Variants in IGSF3 observed in about 807,000 individuals in gnomAD.
IGSF3 encodes the protein glu-Trp-Ile EWI motif-containing protein 3.
Under a neutral mutation model 114.4 loss-of-function variants are expected in IGSF3, and 23 were observed. The observed-to-expected ratio is 0.20, with a 90% CI of 0.14 to 0.28. The LOEUF (loss-of-function observed/expected upper bound fraction) is 0.28. Among genes scored for constraint, IGSF3 ranks in the 10% least tolerant of loss-of-function variants. The pLI, the probability that IGSF3 is intolerant of heterozygous loss-of-function variation, is 1.00. For missense variants in IGSF3, 1,172 were observed against 1,591.5 expected, an observed-to-expected ratio of 0.74 and a Z score of 4.48; for synonymous variants, 571 against 645.2, an observed-to-expected ratio of 0.88 and a Z score of 1.74.
intron 1 of IGSF3, 88 bp downstream of exon 1, chr1:116,667,516 GCCCGCTCCCCACTC>G (rs1238451779): frequency 2.0e-5 from 3 of 149,890 alleles, no homozygotes; most frequent in African/African-American, 7.3e-5. Flanking sequence ...GCCGGCGCGG[GCCCGCTCCCCACTC>G]CCCGCTCCCC....
In IGSF3 at chr1:116,611,116, T is replaced by A. The variant is rs571278173; in HGVS notation, c.832+2649A>T. Among the ~76,000 whole-genome samples the A allele has an allele frequency of 2.0e-5, 3 of 152,264 alleles. No individual in the cohort carries two copies. The South Asian group carries it at 6.2e-4, about 32-fold the overall frequency. On this transcript the variant is annotated intron_variant, in intron 4 of 10. Coordinates refer to ENST00000369486, the MANE Select transcript of IGSF3 (RefSeq NM_001007237.3). ...CTCTTATTAGCTCTTTTCTACCTGG[T>A]CTCTTGGCTTCAGACTCAACAGATT...
chr1:116,636,166 G>C lies in IGSF3; in HGVS notation c.44-19709C>G, dbSNP rs560738854. Among the ~76,000 whole-genome samples, 2 of 152,092 alleles carry C rather than the reference G, an allele frequency of 1.3e-5. No homozygotes were observed. Among genetic ancestry groups the C allele is most frequent in the East Asian group, 3.9e-4 (2 of 5,194 alleles). Reference sequence around the variant, plus strand: ...CAAAGCCTCTTGTCTCCTGAGAGCCGCTCCACAATCACCTTCCCAAGAAGA... The same window carrying C: ...CAAAGCCTCTTGTCTCCTGAGAGCCCCTCCACAATCACCTTCCCAAGAAGA... On this transcript the variant is annotated intron_variant, in intron 2 of 10. Coordinates refer to ENST00000369486, the MANE Select transcript of IGSF3 (RefSeq NM_001007237.3). The surrounding 1 kb of genome is among the most constrained non-coding windows in gnomAD (Gnocchi z 4.5).
intron 7 of IGSF3, 28 bp downstream of exon 7, chr1:116,599,905 GCATGGGCA>G: frequency 6.3e-7 from 1 of 1,580,588 alleles, no homozygotes; most frequent in Non-Finnish European, 8.6e-7. Context: ...TGCTCAGGCA[GCATGGGCA>G]CATAGCCCAC....
chr1:116,577,354 C>T lies in IGSF3; in HGVS notation c.3543G>A (p.Leu1181=). 6.2e-7 allele frequency: 1 copy of T among 1,614,140 alleles called. No individual in the cohort carries two copies. Among genetic ancestry groups the T allele is most frequent in the Non-Finnish European group, 8.5e-7 (1 of 1,180,020 alleles). ...EPHLNYSPTC[L]EPPVLSIHPG... is the part of the protein sequence containing the mutation. ...GATGGATACTGAGAACAGGGGGCTC[C>T]AGGCAAGTAGGGGAGTAGTTGAGGT... Residue 1181 remains leucine, a synonymous_variant, in exon 11 of 11, where the codon CTG becomes CTA. Transcript: ENST00000369486. This position sits in a 1 kb window ranked among gnomAD's most constrained non-coding sequence, Gnocchi z 5.7.
chr1:116,617,211 C>G (rs1661255786), intron 2 of IGSF3: 11 of 847,180 alleles, frequency 1.3e-5, no homozygotes, highest in Non-Finnish European at 1.6e-5. Context: ...GTTTCCCACT[C>G]AAGACTCCCC....
intron 2 of IGSF3, among the ~76,000 whole-genome samples, chr1:116,643,265 C>T (rs1571185451): frequency 1.3e-5 from 2 of 152,198 alleles, no homozygotes; most frequent in East Asian, 1.9e-4. Context: ...CTCTGATTCC[C>T]AAATCAGTGC....
rs200735353 is a variant in IGSF3 at position 116,600,223 on chromosome 1, G to A, written c.1747C>T (p.Arg583Trp). 5.1e-5 allele frequency: 83 copies of A among 1,614,068 alleles called. No individual in the cohort carries two copies. The highest frequency in any genetic ancestry group is 1.6e-4 in the Middle Eastern group (1 of 6,064). ...PAWVPVSVTW[R>W]FQPVGTVEFH... ...TCCACCGTGCCCACCGGCTGGAACC[G>A]CCATGTCACCGACACGGGGACCCAG... The change falls in exon 7 of 11, where the codon CGG (arginine) becomes TGG (tryptophan). Residue 583 changes from arginine (R) to tryptophan (W), a missense_variant. Arg to Trp is a moderately radical substitution (Grantham distance 101). Coordinates refer to ENST00000369486, the MANE Select transcript of IGSF3 (RefSeq NM_001007237.3). The surrounding 1 kb of genome is among the most constrained non-coding windows in gnomAD (Gnocchi z 5.5).
intron 2 of IGSF3, among the ~76,000 whole-genome samples, chr1:116,626,373 C>T (rs1027133694): frequency 1.3e-5 from 2 of 152,106 alleles, no homozygotes; most frequent in South Asian, 2.1e-4. Context: ...CAGTTTTCCT[C>T]CTCAAAGTTT....
In IGSF3 at chr1:116,603,951, T is replaced by C; in HGVS notation, c.1297A>G (p.Ser433Gly). The stretch of plus-strand genomic sequence containing the variant: ...TGCGGCCTGCCTGCCGTGCGGACAC[T>C]GCAGGAGAAGCGCAGGTCCTCGCCC... ...LEGEDLRFSC[S>G]VRTAGRPQGR... Residue 433 changes from serine (S) to glycine (G), a missense_variant, in exon 6 of 11, where the codon AGT (serine) becomes GGT (glycine). Ser to Gly is a moderately conservative substitution (Grantham distance 56). Transcript: ENST00000369486. The surrounding 1 kb of genome is among the most constrained non-coding windows in gnomAD (Gnocchi z 7.1). 6.2e-7 allele frequency: 1 copy of C among 1,613,740 alleles called. No homozygotes were observed. Among genetic ancestry groups the C allele is most frequent in the Non-Finnish European group, 8.5e-7 (1 of 1,179,986 alleles).
chr1:116,598,575 C>T lies in IGSF3; in HGVS notation c.2029+1366G>A, dbSNP rs1056721091. The stretch of plus-strand genomic sequence containing the variant: ...CCCAAAGGTTACCATTATTTAACCT[C>T]ACGTTGCTGAAAACGACACTGTGGC... On this transcript the variant is annotated intron_variant, in intron 7 of 10. Transcript: ENST00000369486. This position sits in a 1 kb window ranked among gnomAD's most constrained non-coding sequence, Gnocchi z 4.3. 6.6e-6 allele frequency among the ~76,000 whole-genome samples: 1 copy of T among 152,228 alleles called. No homozygotes were observed.
Position 116,593,323 on chromosome 1 carries a change from A to G in IGSF3, c.2030-4219T>C, listed in dbSNP as rs1384294593. Among the ~76,000 whole-genome samples, 1 of 152,146 alleles carries G rather than the reference A, an allele frequency of 6.6e-6. No homozygotes were observed. The highest frequency in any genetic ancestry group is 2.4e-5 in the African/African-American group (1 of 41,434). ...GAGGTGGTTGCCGGTAAGTCTGGAG[A>G]AGGTGGTTTCTGTGCAGTGCTGTGA... On this transcript the variant is annotated intron_variant, in intron 7 of 10. Coordinates refer to ENST00000369486, the MANE Select transcript of IGSF3 (RefSeq NM_001007237.3). This position sits in a 1 kb window ranked among gnomAD's most constrained non-coding sequence, Gnocchi z 4.5.
In IGSF3 at chr1:116,579,576, C is replaced by G. The variant is rs1324916552; in HGVS notation, c.3150G>C (p.Glu1050Asp). The G allele has an allele frequency of 3.1e-6, 5 of 1,614,038 alleles. No homozygotes were observed. The highest frequency in any genetic ancestry group is 3.3e-5 in the Admixed American group (2 of 60,010). The part of the protein sequence containing the change: ...AVFGPEGSPW[E>D]GRLRFQRLSP... ...AGAGCCTCTGGAAGCGAAGCCTGCC[C>G]TCCCAAGGACTGCCCTCTGGGCCAA... The change falls in exon 10 of 11, where the codon GAG becomes GAC. Residue 1050 changes from glutamate to aspartate, a missense_variant. By Grantham distance (45) the Glu-to-Asp change is conservative. Transcript: ENST00000369486. The surrounding 1 kb of genome is among the most constrained non-coding windows in gnomAD (Gnocchi z 6.4).
At chr1:116,622,339 T>C (rs1661449765) in intron 2 of IGSF3, among the ~76,000 whole-genome samples, 1 of 152,236 alleles carries the variant, frequency 6.6e-6, no homozygotes, top group South Asian at 2.1e-4. Context: ...TTTAAAATTT[T>C]ATCTCATTTC....
At chr1:116,601,741 G>C (rs1660598440) in intron 6 of IGSF3, among the ~76,000 whole-genome samples, 1 of 152,174 alleles carries the variant, frequency 6.6e-6, no homozygotes, top group Non-Finnish European at 1.5e-5. Context: ...CTTTAAAAAA[G>C]TTTATGACAC....
At position 116,584,951 on chromosome 1, in the gene IGSF3, A is replaced by C; in HGVS notation, c.2542T>G (p.Ser848Ala). Residue 848 changes from serine (S) to alanine (A), a missense_variant, in exon 9 of 11, where the codon TCC becomes GCC. This residue lies in a region of IGSF3 where 423 missense variants were observed against 509.8 expected (regional missense o/e 0.83). Coordinates refer to ENST00000369486, the MANE Select transcript of IGSF3 (RefSeq NM_001007237.3). The surrounding 1 kb of genome is among the most constrained non-coding windows in gnomAD (Gnocchi z 5.8). Reference protein sequence around the residue: ...CVVLNRTSITSQLMVEWFVWK... With the variant: ...CVVLNRTSITAQLMVEWFVWK... ...ACAAACCATTCCACCATGAGCTGGGAGGTTATGCTGGTGCGGTTGAGAACC... is the reference window on the plus strand; with the variant it reads ...ACAAACCATTCCACCATGAGCTGGGCGGTTATGCTGGTGCGGTTGAGAACC... The C allele has an allele frequency of 6.2e-7, 1 of 1,611,692 alleles. No individual in the cohort carries two copies. The highest frequency in any genetic ancestry group is 8.5e-7 in the Non-Finnish European group (1 of 1,178,172).
At position 116,612,210 on chromosome 1, in the gene IGSF3, G is replaced by C. The variant is rs2101485653; in HGVS notation, c.832+1555C>G. 6.6e-6 allele frequency among the ~76,000 whole-genome samples: 1 copy of C among 152,216 alleles called. No individual in the cohort carries two copies. On this transcript the variant is annotated intron_variant, in intron 4 of 10. Transcript: ENST00000369486. The surrounding 1 kb of genome is among the most constrained non-coding windows in gnomAD (Gnocchi z 4.1). ...TGAAGTTGATCTTAAAACTATCCAG[G>C]AAGGGAAAGGATAAATATAAAATAA...
chr1:116,581,944 G>A (rs137952431), intron 9 of IGSF3, among the ~76,000 whole-genome samples: 1,547 of 152,250 alleles, frequency 0.01, 16 homozygotes, highest in Non-Finnish European at 0.016. Context: ...AGGTGTCAAG[G>A]GAGGTGGCCC....
chr1:116,614,245 C>A lies in IGSF3; in HGVS notation c.422-70G>T. The A allele has an allele frequency of 7.5e-7, 1 of 1,333,550 alleles. No homozygotes were observed. The highest frequency in any genetic ancestry group is 1.1e-6 in the Non-Finnish European group (1 of 941,344). 82.6% of individuals were successfully genotyped at this position (1,333,550 alleles called of 1,614,324 possible). A position where few individuals can be genotyped will look rare whatever the true frequency, so the allele number is the denominator to read the frequency against. ...AATCTGAGACTCCCAGGGCTAAGCT[C>A]CCATTCCACGCAGGCGTCACTGCAC... is the stretch of plus-strand genomic sequence containing the variant. On this transcript the variant is annotated intron_variant, in intron 3 of 10. Coordinates refer to ENST00000369486, the MANE Select transcript of IGSF3 (RefSeq NM_001007237.3). This position sits in a 1 kb window ranked among gnomAD's most constrained non-coding sequence, Gnocchi z 4.5.
chr1:116,599,716 A>C (rs1247875532), intron 7 of IGSF3, among the ~76,000 whole-genome samples: 2 of 152,180 alleles, frequency 1.3e-5, no homozygotes, highest in African/African-American at 2.4e-5. Flanking sequence ...AAACATACAC[A>C]CAGAGGAAGA....
Sources: allele counts gnomAD v4.1 joint callset (sites outside exome capture counted in the v4.1 genomes callset), GRCh38; gene constraint gnomAD v4.1.1; regional missense constraint gnomAD v4.1.1; non-coding constraint Gnocchi (gnomAD v3.1); transcripts MANE v1.5; gene names NCBI Gene and HGNC (gene_info 2026-07-23, HGNC 2026-07-21).